The following WDFY3 variants were observed in gnomAD, a reference collection of about 807,000 sequenced individuals.
WDFY3 encodes the protein WD repeat and FYVE domain containing 3, also known as WD repeat and FYVE domain-containing protein 3.
A neutral mutation model predicts 409.6 loss-of-function variants in WDFY3; 66 were observed. The observed-to-expected ratio is 0.16, with a 90% CI of 0.13 to 0.20. The LOEUF (loss-of-function observed/expected upper bound fraction) is 0.20. Among genes scored for constraint, WDFY3 ranks in the 10% least tolerant of loss-of-function variants. The pLI is 1.00. For missense variants in WDFY3, 3,031 were observed against 4,298.1 expected (o/e 0.71, Z 8.24); for synonymous variants, 1,521 against 1,537.1 (o/e 0.99, Z 0.25).
rs755548050 is a variant in WDFY3 at position 84,836,925 on chromosome 4, A to G, written c.576+4T>C. On this transcript the variant is annotated splice_donor_region_variant and intron_variant, in intron 7 of 67. Transcript: ENST00000295888. ...TGGAGGTAGGCAAATAGCACCTTTC[A>G]TACCTGTACAAAAACTTTCTGGAGT... 5.8e-6 allele frequency: 9 copies of G among 1,557,038 alleles called. No individual in the cohort carries two copies. Among genetic ancestry groups the G allele is most frequent in the Non-Finnish European group, 7.8e-6 (9 of 1,150,106 alleles).
intron 7 of WDFY3, among the ~76,000 whole-genome samples, chr4:84,834,923 G>A (rs932426474): frequency 1.3e-5 from 2 of 152,148 alleles, no homozygotes; most frequent in African/African-American, 4.8e-5. Flanking sequence ...ATTAGCCTGC[G>A]ATGAGGAACT....
At chr4:84,685,832 G>A (rs2148813215) in intron 62 of WDFY3, among the ~76,000 whole-genome samples, 1 of 152,216 alleles carries the variant, frequency 6.6e-6, no homozygotes, top group South Asian at 2.1e-4. Flanking sequence ...AGTGTACACT[G>A]GCTCAAATAA....
intron 17 of WDFY3, among the ~76,000 whole-genome samples, chr4:84,801,375 ATAAAG>A (rs1454526976): frequency 6.6e-6 from 1 of 152,242 alleles, no homozygotes; most frequent in Non-Finnish European, 1.5e-5. Flanking sequence ...GTTATTAAAT[ATAAAG>A]TAAACGCATG....
In WDFY3 at chr4:84,721,548, C is replaced by A; in HGVS notation, c.7466G>T (p.Arg2489Leu). 6.2e-7 allele frequency: 1 copy of A among 1,608,114 alleles called. No individual in the cohort carries two copies. The highest frequency in any genetic ancestry group is 1.3e-5 in the African/African-American group (1 of 74,998). ...TCCTCCATCAGGTGCAGATCGGGAG[C>A]GTTTTAGAGGAGGCTTGACCAAACC... ...VKGLVKPPLK[R>L]SRSAPDGGDE... The change falls in exon 47 of 68, where the codon CGC (arginine) becomes CTC (leucine). Residue 2489 changes from arginine to leucine, a missense_variant. By Grantham distance (102) the Arg-to-Leu change is moderately radical. This residue lies in a region of WDFY3 where 127 missense variants were observed against 144.4 expected (regional missense o/e 0.88). Transcript: ENST00000295888.
At chr4:84,761,494 A>G (rs917094822) in intron 32 of WDFY3, among the ~76,000 whole-genome samples, 1 of 152,134 alleles carries the variant, frequency 6.6e-6, no homozygotes, top group Non-Finnish European at 1.5e-5. Context: ...GTGCTCCTGT[A>G]TTGGGTGCAT....
At chr4:84,835,165 CAAATAG>C in intron 7 of WDFY3, among the ~76,000 whole-genome samples, 1 of 152,200 alleles carries the variant, frequency 6.6e-6, no homozygotes, top group East Asian at 1.9e-4. Flanking sequence ...ACCTGGTTTT[CAAATAG>C]AAATAATTTT....
chr4:84,692,815 T>C, intron 59 of WDFY3, 70 bp downstream of exon 59: 1 of 1,464,428 alleles, frequency 6.8e-7, no homozygotes, highest in South Asian at 1.3e-5. Flanking sequence ...GCAAATTTGT[T>C]ATTGTTAAAC....
At chr4:84,834,657 A>G (rs1756310391) in intron 7 of WDFY3, among the ~76,000 whole-genome samples, 1 of 152,120 alleles carries the variant, frequency 6.6e-6, no homozygotes, top group African/African-American at 2.4e-5. Context: ...TCCAAAAAAA[A>G]TTTCTCATTC....
intron 25 of WDFY3, among the ~76,000 whole-genome samples, chr4:84,782,694 T>A (rs1746762986): frequency 6.6e-6 from 1 of 152,224 alleles, no homozygotes; most frequent in Admixed American, 6.5e-5. Context: ...TTCATCTATG[T>A]CCCTGCAAAG....
chr4:84,842,776 G>A (rs765934545), intron 5 of WDFY3, among the ~76,000 whole-genome samples: 11 of 152,170 alleles, frequency 7.2e-5, no homozygotes, highest in East Asian at 1.9e-4. Flanking sequence ...GCGAGACTCC[G>A]TCTCAAAAAC....
At chr4:84,884,830 G>A (rs992589829) in intron 3 of WDFY3, among the ~76,000 whole-genome samples, 3 of 151,874 alleles carry the variant, frequency 2.0e-5, no homozygotes, top group South Asian at 4.2e-4. Flanking sequence ...CACAGAAAAC[G>A]GTATATAACA....
chr4:84,776,184 C>A (rs1453330439), intron 27 of WDFY3, among the ~76,000 whole-genome samples: 1 of 151,920 alleles, frequency 6.6e-6, no homozygotes, highest in Non-Finnish European at 1.5e-5. Flanking sequence ...AAATGAAAGT[C>A]TCTTATTGCA....
chr4:84,755,454 C>A (rs1476917212), intron 33 of WDFY3, 54 bp from the exon 34 acceptor site: 7 of 1,561,322 alleles, frequency 4.5e-6, no homozygotes, highest in Non-Finnish European at 6.0e-6. Context: ...TCAGTAGAGA[C>A]CCTCATAAGT....
chr4:84,926,048 T>C, intron 2 of WDFY3, among the ~76,000 whole-genome samples: 1 of 149,642 alleles, frequency 6.7e-6, no homozygotes, highest in African/African-American at 2.4e-5. Context: ...ATGGAGTCTC[T>C]CTCTGTCGCC....
At chr4:84,774,603 T>C (rs1745234127) in intron 29 of WDFY3, among the ~76,000 whole-genome samples, 1 of 152,226 alleles carries the variant, frequency 6.6e-6, no homozygotes, top group Non-Finnish European at 1.5e-5. Context: ...TTCTCACCAA[T>C]ATTCTACTAT....
intron 32 of WDFY3, among the ~76,000 whole-genome samples, chr4:84,763,382 G>A (rs1160958755): frequency 6.6e-6 from 1 of 151,194 alleles, no homozygotes; most frequent in East Asian, 2.0e-4. Context: ...GTCTGTTGTA[G>A]GGTGGGGGTT....
At position 84,737,159 on chromosome 4, in the gene WDFY3, G is replaced by A. The variant is rs369643261; in HGVS notation, c.6757+25C>T. 15 of 1,612,830 alleles carry A rather than the reference G, an allele frequency of 9.3e-6. No homozygotes were observed. The African/African-American group carries it at 1.7e-4, about 19-fold the overall frequency. On this transcript the variant is annotated intron_variant, in intron 41 of 67. Transcript: ENST00000295888. ...ATGATAGCCACATGTAAATCTCCTG[G>A]TGGTATGATCTCTGTAGGCCTTACC...
chr4:84,793,486 A>G (rs947794096), intron 21 of WDFY3, among the ~76,000 whole-genome samples: 7 of 152,242 alleles, frequency 4.6e-5, no homozygotes, highest in African/African-American at 1.7e-4. Context: ...ATACTAGTTC[A>G]TTATTTTTTC....
At chr4:84,738,781 T>C (rs753346842) in intron 40 of WDFY3, among the ~76,000 whole-genome samples, 1 of 152,166 alleles carries the variant, frequency 6.6e-6, no homozygotes, top group Non-Finnish European at 1.5e-5. Context: ...ATGTAAATAT[T>C]AATACCACCA....
Sources: allele counts gnomAD v4.1 joint callset (sites outside exome capture counted in the v4.1 genomes callset), GRCh38; gene constraint gnomAD v4.1.1; regional missense constraint gnomAD v4.1.1; transcripts MANE v1.5; gene names NCBI Gene and HGNC (gene_info 2026-07-23, HGNC 2026-07-21).